Variants in PRLR observed in about 807,000 individuals in gnomAD.
PRLR encodes the protein hPRL receptor.
PRLR carries 13 observed loss-of-function variants against 40.2 expected under a neutral mutation model. The observed-to-expected ratio is 0.32, with a 90% CI of 0.21 to 0.51. The LOEUF is 0.51. Among genes scored for constraint, PRLR ranks in the 20% least tolerant of loss-of-function variants. The pLI is 0.97. For missense variants in PRLR, 656 were observed against 747.3 expected (o/e 0.88, Z 1.42); for synonymous variants, 269 against 278.7 (o/e 0.97, Z 0.35).
In PRLR at chr5:35,064,651, G is replaced by A. The variant is rs1278945539; in HGVS notation, c.*438C>T. 1.2e-5 allele frequency: 2 copies of A among 164,166 alleles called. No homozygotes were observed. The highest frequency in any genetic ancestry group is 2.4e-5 in the African/African-American group (1 of 41,546). 10.2% of individuals were successfully genotyped at this position (164,166 alleles called of 1,614,324 possible). A position where few individuals can be genotyped will look rare whatever the true frequency, so the allele number is the denominator to read the frequency against. The stretch of plus-strand genomic sequence containing the variant: ...AATAAAATGGACGAGGAGTGTAAAG[G>A]TTATGCAGTTGTTTTTCAAAAGCAA... On this transcript the variant is annotated 3_prime_UTR_variant, in exon 10 of 10. Coordinates refer to ENST00000618457, the MANE Select transcript of PRLR (RefSeq NM_000949.7).
chr5:35,075,137 C>T (rs7713977), intron 5 of PRLR, among the ~76,000 whole-genome samples: 18,087 of 152,146 alleles, frequency 0.12, 1,370 homozygotes, highest in African/African-American at 0.21. Context: ...ACACAGAAGA[C>T]GGGTGATTTC....
intron 1 of PRLR, among the ~76,000 whole-genome samples, chr5:35,207,614 T>TTGTGTGTGTG (rs142502829): frequency 5.5e-4 from 81 of 146,962 alleles, no homozygotes; most frequent in Middle Eastern, 6.9e-3. Flanking sequence ...CAATGGGAGA[T>TTGTGTGTGTG]TGTGTGTGTG....
At position 35,159,624 on chromosome 5, in the gene PRLR, T is replaced by C. The variant is rs553095067; in HGVS notation, c.-105-41502A>G. ...AGAGCTCAGGCAGACCCAAGGAATG[T>C]GGCAAATTCCTTGAGGCAGCTGTTT... On this transcript the variant is annotated intron_variant, in intron 1 of 9. Transcript: ENST00000618457. 2.0e-5 allele frequency among the ~76,000 whole-genome samples: 3 copies of C among 152,228 alleles called. No individual in the cohort carries two copies. In the South Asian group the frequency reaches 6.2e-4, roughly 32 times the overall value.
chr5:35,215,689 C>G (rs562475723), intron 1 of PRLR, among the ~76,000 whole-genome samples: 1 of 151,936 alleles, frequency 6.6e-6, no homozygotes, highest in Non-Finnish European at 1.5e-5. Flanking sequence ...AAGACCCTCA[C>G]CCCTAGGGCA....
intron 1 of PRLR, among the ~76,000 whole-genome samples, chr5:35,169,858 G>A (rs1372399159): frequency 6.6e-6 from 1 of 152,094 alleles, no homozygotes; most frequent in Non-Finnish European, 1.5e-5. Context: ...TTCTTGCATA[G>A]TCTGCGTTTA....
At chr5:35,229,776 C>T (rs980944609) in intron 1 of PRLR, among the ~76,000 whole-genome samples, 4 of 152,136 alleles carry the variant, frequency 2.6e-5, no homozygotes, top group Admixed American at 2.0e-4. Flanking sequence ...GCTGCGGCGG[C>T]GGCTGCTGCT....
intron 1 of PRLR, among the ~76,000 whole-genome samples, chr5:35,173,561 T>C (rs1439465233): frequency 6.6e-6 from 1 of 152,146 alleles, no homozygotes; most frequent in African/African-American, 2.4e-5. Context: ...AGGAAAAAAT[T>C]GGCAAACAAA....
chr5:35,206,641 T>C (rs1027323476), intron 1 of PRLR, among the ~76,000 whole-genome samples: 6 of 152,130 alleles, frequency 3.9e-5, no homozygotes, highest in African/African-American at 1.4e-4. Flanking sequence ...TATGGTCATG[T>C]CTTTGACTTT....
chr5:35,085,728 A>G (rs1770807664), intron 4 of PRLR, among the ~76,000 whole-genome samples: 1 of 152,244 alleles, frequency 6.6e-6, no homozygotes, highest in East Asian at 1.9e-4. Flanking sequence ...AAAAAAATAC[A>G]AATGGCATAA....
chr5:35,228,729 T>C lies in PRLR; in HGVS notation c.-106+1539A>G, dbSNP rs187413781. On this transcript the variant is annotated intron_variant, in intron 1 of 9. Transcript: ENST00000618457. Reference sequence around the variant, plus strand: ...GGCTGGTAGAGCTCTGGAGAGAGCATGTGGGGAGCTCACCCATGACAGGGG... The same window carrying C: ...GGCTGGTAGAGCTCTGGAGAGAGCACGTGGGGAGCTCACCCATGACAGGGG... 2.4e-3 allele frequency among the ~76,000 whole-genome samples: 371 copies of C among 152,168 alleles called. 1 individual carries two copies. Among genetic ancestry groups the C allele is most frequent in the African/African-American group, 8.5e-3 (351 of 41,520 alleles).
chr5:35,095,374 G>A (rs1371720770), intron 2 of PRLR, among the ~76,000 whole-genome samples: 1 of 152,198 alleles, frequency 6.6e-6, no homozygotes, highest in East Asian at 1.9e-4. Context: ...CATATAGGAA[G>A]ACTGGTCCCA....
chr5:35,206,741 T>C (rs1579802304), intron 1 of PRLR, among the ~76,000 whole-genome samples: 1 of 151,870 alleles, frequency 6.6e-6, no homozygotes, highest in Non-Finnish European at 1.5e-5. Flanking sequence ...GCTTCTCAAT[T>C]ATTGAAAAAA....
At chr5:35,172,316 G>T (rs1775021979) in intron 1 of PRLR, among the ~76,000 whole-genome samples, 1 of 152,124 alleles carries the variant, frequency 6.6e-6, no homozygotes, top group Non-Finnish European at 1.5e-5. Flanking sequence ...GCATCTAGGG[G>T]CTCTCTTGCC....
At chr5:35,189,649 T>C (rs369007337) in intron 1 of PRLR, among the ~76,000 whole-genome samples, 27 of 150,876 alleles carry the variant, frequency 1.8e-4, no homozygotes, top group Admixed American at 1.2e-3. Flanking sequence ...CAGATGAGAG[T>C]TCACTATTAC....
chr5:35,223,718 G>T (rs1776478022), intron 1 of PRLR, among the ~76,000 whole-genome samples: 1 of 152,216 alleles, frequency 6.6e-6, no homozygotes, highest in Non-Finnish European at 1.5e-5. Context: ...GTAACACTTA[G>T]AAAATGTTCT....
At chr5:35,191,451 G>A (rs1323905726) in intron 1 of PRLR, among the ~76,000 whole-genome samples, 1 of 152,184 alleles carries the variant, frequency 6.6e-6, no homozygotes, top group Non-Finnish European at 1.5e-5. Flanking sequence ...AGGTGTGCAG[G>A]GAGAAAGGGA....
chr5:35,065,526 C>T lies in PRLR; in HGVS notation c.1432G>A (p.Glu478Lys). ...REEGKATQQR[E>K]VESFHSETDQ... ...GTCTCAGAATGGAAGCTTTCTACCTCCCTCTGCTGGGTTGCCTTTCCCTCT... is the reference window on the plus strand; with the variant it reads ...GTCTCAGAATGGAAGCTTTCTACCTTCCTCTGCTGGGTTGCCTTTCCCTCT... The change falls in exon 10 of 10, where the codon GAG becomes AAG. Residue 478 changes from glutamate to lysine, a missense_variant. Glu to Lys is a moderately conservative substitution (Grantham distance 56, BLOSUM62 1). This residue lies in a region of PRLR where 469 missense variants were observed against 491.5 expected (regional missense o/e 0.95). Coordinates refer to ENST00000618457, the MANE Select transcript of PRLR (RefSeq NM_000949.7). The T allele has an allele frequency of 6.2e-7, 1 of 1,614,116 alleles. No individual in the cohort carries two copies. Among genetic ancestry groups the T allele is most frequent in the South Asian group, 1.1e-5 (1 of 91,076 alleles).
At chr5:35,107,840 T>C (rs1391797135) in intron 2 of PRLR, among the ~76,000 whole-genome samples, 2 of 151,998 alleles carry the variant, frequency 1.3e-5, no homozygotes, top group Admixed American at 6.5e-5. Flanking sequence ...TTCCAATCAA[T>C]AGAAAAAGAG....
At chr5:35,184,413 C>T (rs1185982634) in intron 1 of PRLR, among the ~76,000 whole-genome samples, 1 of 152,138 alleles carries the variant, frequency 6.6e-6, no homozygotes, top group Non-Finnish European at 1.5e-5. Flanking sequence ...ACTCGGTAGG[C>T]TGAGGCAGGA....
Sources: allele counts gnomAD v4.1 joint callset (sites outside exome capture counted in the v4.1 genomes callset), GRCh38; gene constraint gnomAD v4.1.1; regional missense constraint gnomAD v4.1.1; transcripts MANE v1.5; gene names NCBI Gene and HGNC (gene_info 2026-07-23, HGNC 2026-07-21).